Variants in TXNRD1 observed in about 807,000 individuals in gnomAD.
The protein encoded by TXNRD1 is thioredoxin reductase 1, cytoplasmic.
Under a neutral mutation model 80.3 loss-of-function variants are expected in TXNRD1, and 57 were observed. The ratio of observed to expected loss-of-function variants is 0.71; its 90% CI spans 0.57 to 0.89. The LOEUF is 0.89. Ranked by LOEUF, TXNRD1 falls within the 40% of genes least tolerant of loss-of-function variation. TXNRD1 has a pLI of 0.00. For synonymous variants in TXNRD1, 291 were observed against 285.2 expected (o/e 1.02, Z -0.20); for missense variants, 730 against 803.0 (o/e 0.91, Z 1.10).
At chr12:104,247,319 T>C (rs11111948) in intron 1 of TXNRD1, among the ~76,000 whole-genome samples, 7,714 of 151,710 alleles carry the variant, frequency 0.051, 523 homozygotes, top group African/African-American at 0.16. Flanking sequence ...CTGCCTGCCT[T>C]AGCCTCCCAA....
At chr12:104,236,116 G>A (rs764370451) in intron 1 of TXNRD1, among the ~76,000 whole-genome samples, 82 of 152,210 alleles carry the variant, frequency 5.4e-4, no homozygotes, top group Non-Finnish European at 9.1e-4. Flanking sequence ...TCCCAGGCAA[G>A]AGGGAAGTAT....
At chr12:104,317,315 A>G (rs542683719) in intron 7 of TXNRD1, among the ~76,000 whole-genome samples, 7 of 150,838 alleles carry the variant, frequency 4.6e-5, no homozygotes, top group Non-Finnish European at 1.5e-5. Context: ...TTCCCTACCC[A>G]CAAGCTACCT....
chr12:104,348,003 C>G (rs1360746416), intron 16 of TXNRD1, among the ~76,000 whole-genome samples: 1 of 152,162 alleles, frequency 6.6e-6, no homozygotes, highest in Admixed American at 6.5e-5. Context: ...ACAGGGCTAA[C>G]TGGGCACTTT....
chr12:104,319,080 C>T, intron 8 of TXNRD1, 25 bp downstream of exon 8: 12 of 1,211,940 alleles, frequency 9.9e-6, no homozygotes, highest in South Asian at 3.1e-5. Flanking sequence ...TCCTGACTAG[C>T]TTTTTTTTTT....
intron 14 of TXNRD1, 108 bp downstream of exon 14, chr12:104,331,749 C>A: frequency 1.5e-6 from 1 of 680,828 alleles, no homozygotes; most frequent in South Asian, 2.0e-5. Flanking sequence ...TTCATATACC[C>A]GTTATCCAGA....
chr12:104,291,715 G>A (rs944304251), intron 4 of TXNRD1, among the ~76,000 whole-genome samples: 2 of 152,066 alleles, frequency 1.3e-5, no homozygotes, highest in Non-Finnish European at 2.9e-5. Flanking sequence ...AACTTTTGAC[G>A]CCGTGATCCA....
intron 1 of TXNRD1, among the ~76,000 whole-genome samples, chr12:104,237,141 A>G (rs1366035575): frequency 6.6e-6 from 1 of 152,192 alleles, no homozygotes; most frequent in Non-Finnish European, 1.5e-5. Context: ...AAGGCTCTGT[A>G]CTGTTATGTA....
At position 104,348,700 on chromosome 12, in the gene TXNRD1, G is replaced by A. The variant is rs1424227714; in HGVS notation, c.*279G>A. 1.5e-5 allele frequency: 6 copies of A among 401,184 alleles called. No individual in the cohort carries two copies. Among genetic ancestry groups the A allele is most frequent in the Middle Eastern group, 6.5e-4 (1 of 1,536 alleles). 24.9% of individuals were successfully genotyped at this position (401,184 alleles called of 1,614,324 possible). ...CCAGTCTCAAGCCCATGTGGTAGGCGGTGATGGAACAACTGTCAAATCAGT... is the reference window on the plus strand; with the variant it reads ...CCAGTCTCAAGCCCATGTGGTAGGCAGTGATGGAACAACTGTCAAATCAGT... On this transcript the variant is annotated 3_prime_UTR_variant, in exon 17 of 17. Coordinates refer to ENST00000525566, the MANE Select transcript of TXNRD1 (RefSeq NM_001093771.3).
chr12:104,320,358 G>A (rs538309477), intron 9 of TXNRD1, among the ~76,000 whole-genome samples: 4 of 152,188 alleles, frequency 2.6e-5, no homozygotes, highest in African/African-American at 9.6e-5. Context: ...GCAGGTCTCT[G>A]GGGCCTTTTT....
intron 1 of TXNRD1, among the ~76,000 whole-genome samples, chr12:104,220,793 A>T (rs2135673239): frequency 6.6e-6 from 1 of 152,000 alleles, no homozygotes; most frequent in Admixed American, 6.6e-5. Flanking sequence ...TCCTTGAAAG[A>T]ACTCAAAAGA....
intron 16 of TXNRD1, among the ~76,000 whole-genome samples, chr12:104,342,239 G>A (rs1029536703): frequency 6.6e-6 from 1 of 152,080 alleles, no homozygotes; most frequent in African/African-American, 2.4e-5. Context: ...TGACATGGTT[G>A]GTTCCTCTGG....
chr12:104,258,169 G>T (rs1337137897), intron 3 of TXNRD1, 90 bp downstream of exon 3: 17 of 1,034,848 alleles, frequency 1.6e-5, no homozygotes, highest in Middle Eastern at 2.7e-4. Context: ...CTTCCTTGAG[G>T]TTTTTATTGT....
intron 1 of TXNRD1, among the ~76,000 whole-genome samples, chr12:104,216,950 T>C (rs1217318489): frequency 6.6e-6 from 1 of 152,100 alleles, no homozygotes; most frequent in Non-Finnish European, 1.5e-5. Context: ...GCAGCTCCCA[T>C]AGATGAGGTA....
intron 4 of TXNRD1, chr12:104,310,012 A>C: frequency 6.5e-7 from 1 of 1,536,190 alleles, no homozygotes; most frequent in Non-Finnish European, 8.7e-7. Flanking sequence ...CCACATCCCA[A>C]GAACCTTCTT....
At chr12:104,346,739 A>G (rs1275085566) in intron 16 of TXNRD1, among the ~76,000 whole-genome samples, 2 of 152,198 alleles carry the variant, frequency 1.3e-5, no homozygotes, top group Non-Finnish European at 2.9e-5. Flanking sequence ...ATTGCATATA[A>G]GAGTGCTAAT....
intron 3 of TXNRD1, among the ~76,000 whole-genome samples, chr12:104,281,695 C>T (rs776063292): frequency 5.9e-5 from 9 of 151,992 alleles, no homozygotes; most frequent in Non-Finnish European, 7.4e-5. Flanking sequence ...CATGAGCCAC[C>T]GAGCCCGGCC....
At chr12:104,299,448 C>G (rs906643583) in intron 4 of TXNRD1, among the ~76,000 whole-genome samples, 1 of 151,656 alleles carries the variant, frequency 6.6e-6, no homozygotes, top group African/African-American at 2.4e-5. Context: ...TATATACACA[C>G]AAACATAACT....
intron 4 of TXNRD1, among the ~76,000 whole-genome samples, chr12:104,299,767 CAAA>C (rs35918319): frequency 4.8e-5 from 5 of 104,844 alleles, no homozygotes; most frequent in Non-Finnish European, 5.6e-5. Context: ...GACTCCGTCT[CAAA>C]AAAAAAAAAA....
At chr12:104,221,994 A>G (rs2032367768) in intron 1 of TXNRD1, among the ~76,000 whole-genome samples, 1 of 152,138 alleles carries the variant, frequency 6.6e-6, no homozygotes, top group South Asian at 2.1e-4. Flanking sequence ...ATTTCTACTG[A>G]GCTTCCCTTT....
Sources: allele counts gnomAD v4.1 joint callset (sites outside exome capture counted in the v4.1 genomes callset), GRCh38; gene constraint gnomAD v4.1.1; transcripts MANE v1.5; gene names NCBI Gene and HGNC (gene_info 2026-07-23, HGNC 2026-07-21).